ZC3H12B: variants seen among roughly 807,000 people sequenced by gnomAD.
ZC3H12B encodes the protein probable ribonuclease ZC3H12B.
Under a neutral mutation model 43.9 loss-of-function variants are expected in ZC3H12B, and 7 were observed. The ratio of observed to expected loss-of-function variants is 0.16; its 90% CI spans 0.09 to 0.30. The LOEUF (loss-of-function observed/expected upper bound fraction) is 0.30. ZC3H12B is among the 10% of genes least tolerant of loss of function. The pLI, the probability that ZC3H12B is intolerant of heterozygous loss-of-function variation, is 1.00. For synonymous variants in ZC3H12B, 222 were observed against 241.7 expected, an observed-to-expected ratio of 0.92 and a Z score of 0.76; for missense variants, 475 against 670.2, an observed-to-expected ratio of 0.71 and a Z score of 3.22.
At chrX:65,450,335 A>G (rs2148144647) in intron 3 of ZC3H12B, among the ~76,000 whole-genome samples, 1 of 84,835 alleles carries the variant, frequency 1.2e-5, no homozygotes, top group African/African-American at 4.4e-5. Flanking sequence ...ATACATATAT[A>G]TGTATATATA....
the ZC3H12B span, among the ~76,000 whole-genome samples, chrX:65,230,914 A>G: frequency 8.9e-6 from 1 of 112,229 alleles, no homozygotes; most frequent in Non-Finnish European, 1.9e-5. Flanking sequence ...TTGGTGTGTC[A>G]ACCACTTCTA....
At chrX:65,464,494 T>C (rs950956844) in intron 3 of ZC3H12B, among the ~76,000 whole-genome samples, 2 of 111,634 alleles carry the variant, frequency 1.8e-5, no homozygotes, top group African/African-American at 6.5e-5. Context: ...CTGATTTTAG[T>C]AATTTATGTC....
At chrX:65,212,196 T>C in the ZC3H12B span, among the ~76,000 whole-genome samples, 1 of 35,821 alleles carries the variant, frequency 2.8e-5, no homozygotes, top group Non-Finnish European at 4.7e-5. Context: ...TATTATATAA[T>C]ATAATTATTA....
the ZC3H12B span, among the ~76,000 whole-genome samples, chrX:65,087,031 G>T: frequency 3.6e-5 from 4 of 110,184 alleles, no homozygotes; most frequent in African/African-American, 1.3e-4. Flanking sequence ...TGATGCTCTG[G>T]CTGGCCCTCT....
At chrX:65,168,551 A>C in the ZC3H12B span, among the ~76,000 whole-genome samples, 1 of 110,425 alleles carries the variant, frequency 9.1e-6, no homozygotes, top group African/African-American at 3.3e-5. Flanking sequence ...GATGTGGGCC[A>C]CATAAAATGA....
intron 3 of ZC3H12B, among the ~76,000 whole-genome samples, chrX:65,419,110 A>T (rs2066990992): frequency 9.0e-6 from 1 of 111,354 alleles, no homozygotes; most frequent in South Asian, 3.9e-4. Context: ...GTGGGTCCCC[A>T]AAACCATCCT....
chrX:65,250,372 T>C, the ZC3H12B span, among the ~76,000 whole-genome samples: 1 of 112,164 alleles, frequency 8.9e-6, no homozygotes, highest in East Asian at 2.8e-4. Flanking sequence ...ATCTTTGCTA[T>C]TGTGAATAGT....
chrX:65,474,280 C>T (rs905781970), intron 3 of ZC3H12B, among the ~76,000 whole-genome samples: 12 of 110,765 alleles, frequency 1.1e-4, no homozygotes, highest in Non-Finnish European at 2.1e-4. Context: ...TAAGTATGAC[C>T]ACTTCTGCTT....
chrX:65,230,670 A>T, the ZC3H12B span, among the ~76,000 whole-genome samples: 2 of 110,683 alleles, frequency 1.8e-5, no homozygotes, highest in Non-Finnish European at 3.8e-5. Flanking sequence ...TCTAGCCTAA[A>T]TATTATATTC....
chrX:65,475,551 G>T (rs1327268184), intron 3 of ZC3H12B, among the ~76,000 whole-genome samples: 2 of 111,173 alleles, frequency 1.8e-5, no homozygotes, highest in Admixed American at 9.6e-5. Flanking sequence ...TACATGCAAA[G>T]ATTCACTTTT....
intron 3 of ZC3H12B, among the ~76,000 whole-genome samples, chrX:65,444,409 G>C (rs1417661484): frequency 9.1e-6 from 1 of 110,283 alleles, no homozygotes; most frequent in Admixed American, 9.6e-5. Context: ...TAGTGAATAA[G>C]TCTCACAAGA....
the ZC3H12B span, among the ~76,000 whole-genome samples, chrX:65,171,654 G>T: frequency 0.014 from 1,579 of 111,224 alleles, 13 homozygotes; most frequent in Non-Finnish European, 0.019. Flanking sequence ...AGTCTACAGA[G>T]GTAGGCAGGC....
At chrX:65,250,059 G>T in the ZC3H12B span, among the ~76,000 whole-genome samples, 1 of 110,136 alleles carries the variant, frequency 9.1e-6, no homozygotes, top group Non-Finnish European at 1.9e-5. Flanking sequence ...TTTACATTAG[G>T]TATATCTCCT....
intron 3 of ZC3H12B, among the ~76,000 whole-genome samples, chrX:65,451,227 G>A (rs142344223): frequency 1.1e-3 from 117 of 110,867 alleles, no homozygotes; most frequent in Middle Eastern, 4.6e-3. Context: ...TGGGATTACA[G>A]GTGTGAGCCA....
intron 2 of ZC3H12B, among the ~76,000 whole-genome samples, chrX:65,379,380 A>T (rs745490340): frequency 6.1e-4 from 68 of 111,177 alleles, no homozygotes; most frequent in African/African-American, 1.9e-3. Flanking sequence ...ACTCCAACAG[A>T]CCTGCAGCTG....
chrX:65,481,771 A>G (rs901290833), intron 3 of ZC3H12B, among the ~76,000 whole-genome samples: 4 of 112,416 alleles, frequency 3.6e-5, no homozygotes, highest in African/African-American at 1.3e-4. Flanking sequence ...TCTTGAAAAA[A>G]GCAATATATA....
the ZC3H12B span, among the ~76,000 whole-genome samples, chrX:65,333,573 A>G: frequency 1.8e-5 from 2 of 112,407 alleles, no homozygotes; most frequent in African/African-American, 6.4e-5. Context: ...TCAGTCTTCT[A>G]TTAGTTCAGT....
chrX:65,069,729 C>A, the ZC3H12B span, among the ~76,000 whole-genome samples: 2 of 111,662 alleles, frequency 1.8e-5, no homozygotes, highest in African/African-American at 3.3e-5. Context: ...GTCCTTAGTT[C>A]TTTTTATGTG....
At chrX:65,267,941 A>G in the ZC3H12B span, among the ~76,000 whole-genome samples, 1 of 111,657 alleles carries the variant, frequency 9.0e-6, no homozygotes, top group Non-Finnish European at 1.9e-5. Context: ...GCAAAAAATC[A>G]TGTAGCAGGA....
Sources: allele counts gnomAD v4.1 joint callset (sites outside exome capture counted in the v4.1 genomes callset), GRCh38; gene constraint gnomAD v4.1.1; transcripts MANE v1.5; gene names NCBI Gene and HGNC (gene_info 2026-07-23, HGNC 2026-07-21).